The following TRPC4AP variants were observed in gnomAD, a reference collection of about 807,000 sequenced individuals.
TRPC4AP encodes short transient receptor potential channel 4-associated protein.
TRPC4AP carries 45 observed loss-of-function variants against 99.0 expected under a neutral mutation model. The observed-to-expected ratio is 0.45, with a 90% CI of 0.36 to 0.58. The LOEUF (loss-of-function observed/expected upper bound fraction) is 0.58, where lower values mean the gene tolerates loss of function less well. TRPC4AP is among the 20% of genes least tolerant of loss of function. The pLI is 0.00. For synonymous variants in TRPC4AP, 408 were observed against 385.8 expected, an observed-to-expected ratio of 1.06 and a Z score of -0.67; for missense variants, 879 against 985.3, an observed-to-expected ratio of 0.89 and a Z score of 1.44.
At chr20:35,005,022 C>G (rs1334837403) in intron 16 of TRPC4AP, among the ~76,000 whole-genome samples, 2 of 152,222 alleles carry the variant, frequency 1.3e-5, no homozygotes, top group Non-Finnish European at 2.9e-5. Flanking sequence ...CCACAAGGCA[C>G]AGGTTCTGCT....
At chr20:35,008,549 A>G in intron 13 of TRPC4AP, 115 bp downstream of exon 13, 4 of 852,570 alleles carry the variant, frequency 4.7e-6, no homozygotes, top group Non-Finnish European at 7.5e-6. Flanking sequence ...CCCCAACAGT[A>G]ATTGTGCTTC....
At position 35,092,536 on chromosome 20, in the gene TRPC4AP, G is replaced by A. The variant is rs1300536503; in HGVS notation, c.168+78C>T. The A allele has an allele frequency of 7.9e-6, 11 of 1,398,918 alleles. No homozygotes were observed. In the East Asian group the frequency reaches 3.0e-4, roughly 38 times the overall value. 86.7% of individuals were successfully genotyped at this position (1,398,918 alleles called of 1,614,324 possible). On this transcript the variant is annotated intron_variant, in intron 1 of 18. Transcript: ENST00000252015. Reference sequence around the variant, plus strand: ...GCTTTGGCCCGTCCAGCGGCGGCCTGGAAAGGCCTCTTCCCCGGCCCCCCG... The same window carrying A: ...GCTTTGGCCCGTCCAGCGGCGGCCTAGAAAGGCCTCTTCCCCGGCCCCCCG...
chr20:35,067,866 G>C (rs918895362), intron 3 of TRPC4AP, among the ~76,000 whole-genome samples: 2 of 152,108 alleles, frequency 1.3e-5, no homozygotes, highest in Non-Finnish European at 2.9e-5. Context: ...GTAGAGGTAG[G>C]GGAGTGCTAG....
rs1227466495 is a variant in TRPC4AP at position 35,086,475 on chromosome 20, GTATGTGTGTGTATA to G, written c.168+6125_168+6138del. 3.4e-3 allele frequency among the ~76,000 whole-genome samples: 393 copies of G among 116,496 alleles called. 27 individuals carry two copies. The highest frequency in any genetic ancestry group is 0.012 in the African/African-American group (368 of 31,432). 76.4% of individuals were successfully genotyped at this position (116,496 alleles called of 152,430 possible). On this transcript the variant is annotated intron_variant, in intron 1 of 18. Coordinates refer to ENST00000252015, the MANE Select transcript of TRPC4AP (RefSeq NM_015638.3). ...TGTGTGTGTGTGTGTGTGTGTGTGT[GTATGTGTGTGTATA>G]TATATATGTGTATATATATGTGTGT...
At chr20:35,069,785 A>C (rs1396323854) in intron 2 of TRPC4AP, among the ~76,000 whole-genome samples, 3 of 152,228 alleles carry the variant, frequency 2.0e-5, no homozygotes, top group African/African-American at 7.2e-5. Context: ...TACTAAAAGT[A>C]CAAAAATTAG....
chr20:35,039,613 C>G (rs1425968866), intron 7 of TRPC4AP, among the ~76,000 whole-genome samples: 1 of 152,168 alleles, frequency 6.6e-6, no homozygotes, highest in Non-Finnish European at 1.5e-5. Flanking sequence ...CCCCCATACT[C>G]CTGTAGTTTC....
intron 7 of TRPC4AP, 44 bp from the exon 8 acceptor site, chr20:35,035,352 C>A: frequency 6.3e-7 from 1 of 1,587,822 alleles, no homozygotes; most frequent in South Asian, 1.1e-5. Context: ...AAATAGAGAC[C>A]AGCAAAACTA....
In TRPC4AP at chr20:35,084,649, T is replaced by G. The variant is rs1022725491; in HGVS notation, c.169-6475A>C. On this transcript the variant is annotated intron_variant, in intron 1 of 18. Coordinates refer to ENST00000252015, the MANE Select transcript of TRPC4AP (RefSeq NM_015638.3). ...GCATATATGTGTATATGTATGTATG[T>G]TTATATGCATATATGTGTATATGTA... Among the ~76,000 whole-genome samples the G allele has an allele frequency of 5.2e-5, 7 of 134,344 alleles. 1 individual carries two copies. Among genetic ancestry groups the G allele is most frequent in the Middle Eastern group, 4.0e-3 (1 of 250 alleles). 88.1% of individuals were successfully genotyped at this position (134,344 alleles called of 152,430 possible).
At chr20:35,020,167 A>G (rs1192038233) in intron 9 of TRPC4AP, among the ~76,000 whole-genome samples, 1 of 152,130 alleles carries the variant, frequency 6.6e-6, no homozygotes, top group Non-Finnish European at 1.5e-5. Context: ...TCCCACCATC[A>G]ATGTGCTGGT....
Position 35,021,256 on chromosome 20 carries a change from C to T in TRPC4AP, c.1152G>A (p.Glu384=), listed in dbSNP as rs760887275. The T allele has an allele frequency of 1.2e-6, 2 of 1,614,186 alleles. No homozygotes were observed. Among genetic ancestry groups the T allele is most frequent in the South Asian group, 1.1e-5 (1 of 91,086 alleles). The change falls in exon 9 of 19, where the codon GAG becomes GAA. Residue 384 remains glutamate, a synonymous_variant. Transcript: ENST00000252015. ...QLPQSMKIMH[E]IMYKLEVLYV... is the part of the protein sequence containing the mutation. The stretch of plus-strand genomic sequence containing the variant: ...AGAGCACTTCCAGTTTGTACATGAT[C>T]TCATGCATAATCTTCATTGACTGGG...
At chr20:35,031,390 CTTTT>C (rs71299218) in intron 8 of TRPC4AP, among the ~76,000 whole-genome samples, 5 of 73,666 alleles carry the variant, frequency 6.8e-5, no homozygotes, top group South Asian at 4.8e-4. Flanking sequence ...CCCTGGTTAA[CTTTT>C]TTTTTTTTTT....
chr20:35,072,797 T>C (rs1236796623), intron 2 of TRPC4AP, among the ~76,000 whole-genome samples: 1 of 152,192 alleles, frequency 6.6e-6, no homozygotes, highest in Admixed American at 6.5e-5. Context: ...AACTTTAAAG[T>C]AGTTTTTTCC....
chr20:35,016,162 A>C (rs372797197), intron 9 of TRPC4AP, 23 bp from the exon 10 acceptor site: 15 of 1,613,990 alleles, frequency 9.3e-6, no homozygotes, highest in Non-Finnish European at 1.3e-5. Flanking sequence ...GGAAGGAAAA[A>C]GTATTAAGAC....
chr20:35,053,448 A>G (rs1406240233), intron 5 of TRPC4AP, among the ~76,000 whole-genome samples: 3 of 152,232 alleles, frequency 2.0e-5, no homozygotes, highest in Non-Finnish European at 4.4e-5. Context: ...GTTGCCAAAG[A>G]TGGAGTCATT....
At chr20:35,033,794 C>G (rs2083255825) in intron 8 of TRPC4AP, among the ~76,000 whole-genome samples, 1 of 151,886 alleles carries the variant, frequency 6.6e-6, no homozygotes. Flanking sequence ...GAGTTTGAGA[C>G]CAGCCTGACC....
At chr20:35,063,876 T>C (rs1003273804) in intron 3 of TRPC4AP, among the ~76,000 whole-genome samples, 17 of 152,018 alleles carry the variant, frequency 1.1e-4, no homozygotes, top group African/African-American at 3.9e-4. Context: ...ATCCCAACAA[T>C]TTTTAAAAGC....
At chr20:35,021,540 C>T (rs1292379059) in intron 8 of TRPC4AP, among the ~76,000 whole-genome samples, 184 bp from the exon 9 acceptor site, 1 of 152,144 alleles carries the variant, frequency 6.6e-6, no homozygotes, top group Non-Finnish European at 1.5e-5. Flanking sequence ...CGCAGAGACT[C>T]GGAAAAATGG....
chr20:35,030,776 TTGTG>T (rs1379074925), intron 8 of TRPC4AP, among the ~76,000 whole-genome samples: 2 of 152,196 alleles, frequency 1.3e-5, no homozygotes, highest in Non-Finnish European at 2.9e-5. Flanking sequence ...ATTAGATGGT[TTGTG>T]TAAGTTTTTT....
At chr20:35,028,032 CTTCCTT>C (rs1477923154) in intron 8 of TRPC4AP, among the ~76,000 whole-genome samples, 1 of 152,062 alleles carries the variant, frequency 6.6e-6, no homozygotes, top group Non-Finnish European at 1.5e-5. Context: ...AATCCTATTA[CTTCCTT>C]TTCCTTTTGA....
Sources: gnomAD v4.1 joint callset for allele counts (sites outside exome capture counted in the v4.1 genomes callset) on GRCh38, gnomAD v4.1.1 for gene constraint, MANE v1.5 for transcripts, NCBI Gene and HGNC (gene_info 2026-07-23, HGNC 2026-07-21) for gene names.